The following CSMD2 variants were observed in gnomAD, a reference collection of about 807,000 sequenced individuals.
CSMD2 encodes the protein CUB and sushi domain-containing protein 2.
In CSMD2, 130 loss-of-function variants were observed where a neutral mutation model predicts 398.5. That is an observed-to-expected ratio of 0.33 (90% CI 0.28 to 0.38). The LOEUF (loss-of-function observed/expected upper bound fraction) is 0.38. CSMD2 is among the 10% of genes least tolerant of loss of function. The pLI, the probability that CSMD2 is intolerant of heterozygous loss-of-function variation, is 1.00. For missense variants in CSMD2, 3,829 were observed against 4,764.9 expected (o/e 0.80, Z 5.78); for synonymous variants, 1,828 against 1,908.5 (o/e 0.96, Z 1.10).
intron 64 of CSMD2, among the ~76,000 whole-genome samples, chr1:33,527,900 C>T (rs1052287684): frequency 1.3e-5 from 2 of 148,152 alleles, no homozygotes; most frequent in Non-Finnish European, 3.0e-5. Context: ...AAGATCATGC[C>T]ACTGCACTCC....
At chr1:33,652,601 G>A (rs879709922) in intron 27 of CSMD2, 140 bp from the exon 28 acceptor site, 131 of 862,834 alleles carry the variant, frequency 1.5e-4, no homozygotes, top group South Asian at 5.3e-4. Flanking sequence ...CTCAGGAGAA[G>A]GTGAAATGAT....
chr1:34,087,658 A>AGC (rs1470709701), intron 2 of CSMD2, among the ~76,000 whole-genome samples: 2 of 146,448 alleles, frequency 1.4e-5, no homozygotes, highest in Non-Finnish European at 3.0e-5. Context: ...AATAATAATA[A>AGC]AGCCAGCACT....
chr1:34,107,411 G>A (rs1385539577), intron 1 of CSMD2, among the ~76,000 whole-genome samples: 7 of 151,852 alleles, frequency 4.6e-5, no homozygotes, highest in Non-Finnish European at 8.8e-5. Context: ...ACTGTCCTAC[G>A]CACTGTACAT....
At chr1:33,756,799 A>C (rs1238741243) in intron 13 of CSMD2, among the ~76,000 whole-genome samples, 3 of 152,216 alleles carry the variant, frequency 2.0e-5, no homozygotes, top group Non-Finnish European at 4.4e-5. Flanking sequence ...CAGCCATCCC[A>C]TTACTGGGTA....
At chr1:33,689,506 G>T (rs1287212967) in intron 25 of CSMD2, among the ~76,000 whole-genome samples, 2 of 152,032 alleles carry the variant, frequency 1.3e-5, no homozygotes, top group African/African-American at 4.8e-5. Context: ...CTTCCTGAGG[G>T]CTAGAAAGGC....
chr1:33,555,686 C>T (rs2794605), intron 55 of CSMD2, among the ~76,000 whole-genome samples: 33,073 of 152,046 alleles, frequency 0.22, 3,968 homozygotes, highest in Admixed American at 0.35. Context: ...TCTCCACCAG[C>T]GAAGAGTATG....
At chr1:33,729,286 C>T (rs1646643413) in intron 15 of CSMD2, among the ~76,000 whole-genome samples, 1 of 152,154 alleles carries the variant, frequency 6.6e-6, no homozygotes. Context: ...CACCACTTTG[C>T]TTTCTTTCTC....
intron 70 of CSMD2, among the ~76,000 whole-genome samples, chr1:33,517,572 A>G (rs1653878573): frequency 6.6e-6 from 1 of 152,194 alleles, no homozygotes; most frequent in Non-Finnish European, 1.5e-5. Context: ...CCTTCTATTG[A>G]TAAGAGTTCT....
At chr1:33,831,625 A>G (rs1659573810) in intron 6 of CSMD2, among the ~76,000 whole-genome samples, 1 of 152,102 alleles carries the variant, frequency 6.6e-6, no homozygotes, top group Admixed American at 6.6e-5. Flanking sequence ...ATAACCAGCT[A>G]ACATCATCAT....
Position 34,164,447 on chromosome 1 carries a change from C to A in CSMD2, c.187+464G>T, listed in dbSNP as rs1641675919. On this transcript the variant is annotated intron_variant, in intron 1 of 70. Transcript: ENST00000373381. The surrounding 1 kb of genome is among the most constrained non-coding windows in gnomAD (Gnocchi z 6.2). ...CGGGGGCAGGGAAGGGCAGACCTTG[C>A]AGACGCAGAAATGGGGAGGGGGCGC... Among the ~76,000 whole-genome samples the A allele has an allele frequency of 6.6e-6, 1 of 152,030 alleles. No homozygotes were observed. The highest frequency in any genetic ancestry group is 2.1e-4 in the South Asian group (1 of 4,832).
In CSMD2 at chr1:33,925,701, T is replaced by G. The variant is rs60085399; in HGVS notation, c.713-7400A>C. ...CCATGGGCCTGATTACACCACTCTC[T>G]CTGTTGGAACCATCAATAACCCCCA... On this transcript the variant is annotated intron_variant, in intron 4 of 70. Transcript: ENST00000373381. 3.9e-3 allele frequency among the ~76,000 whole-genome samples: 596 copies of G among 152,206 alleles called. 10 individuals carry two copies. Among genetic ancestry groups the G allele is most frequent in the African/African-American group, 0.013 (549 of 41,530 alleles).
chr1:34,000,138 T>C (rs1160126948), intron 3 of CSMD2, among the ~76,000 whole-genome samples: 1 of 152,148 alleles, frequency 6.6e-6, no homozygotes, highest in Non-Finnish European at 1.5e-5. Flanking sequence ...GTTGACAGTC[T>C]ACACAGTAAT....
chr1:34,115,888 T>G (rs1661554493), intron 1 of CSMD2, among the ~76,000 whole-genome samples: 1 of 151,912 alleles, frequency 6.6e-6, no homozygotes, highest in Non-Finnish European at 1.5e-5. Context: ...CTAAGACATA[T>G]TATTATAATT....
chr1:33,626,534 T>G lies in CSMD2; in HGVS notation c.5248A>C (p.Ser1750Arg). 1 of 1,608,750 alleles carries G rather than the reference T, an allele frequency of 6.2e-7. No individual in the cohort carries two copies. Among genetic ancestry groups the G allele is most frequent in the South Asian group, 1.1e-5 (1 of 89,256 alleles). Reference protein sequence around the residue: ...ATSNQVLIKFSAKGLAPARGF... With the variant: ...ATSNQVLIKFRAKGLAPARGF... ...CTGGCTGGTGCGAGGCCTTTGGCGC[T>G]GAACTTAATGAGAACTTGATTGGAG... The change falls in exon 33 of 71, where the codon AGC becomes CGC. Residue 1750 changes from serine (S) to arginine (R), a missense_variant. Ser to Arg is a moderately radical substitution (Grantham distance 110). This residue lies in a region of CSMD2 where 2,001 missense variants were observed against 2,567.1 expected (regional missense o/e 0.78). Transcript: ENST00000373381.
intron 25 of CSMD2, among the ~76,000 whole-genome samples, chr1:33,677,062 T>C (rs1452145557): frequency 6.6e-6 from 1 of 152,148 alleles, no homozygotes. Flanking sequence ...AAGGACTTCA[T>C]CTCTAAAACA....
rs773545403 is a variant in CSMD2, at chr1:33,569,404, G to A, written c.8101C>T (p.Leu2701Phe). The change falls in exon 52 of 71, where the codon CTC becomes TTC. Residue 2701 changes from leucine (L) to phenylalanine (F), a missense_variant. By Grantham distance (22) the Leu-to-Phe change is conservative. This residue lies in a region of CSMD2 where 723 missense variants were observed against 758.6 expected (regional missense o/e 0.95). Coordinates refer to ENST00000373381, the MANE Select transcript of CSMD2 (RefSeq NM_001281956.2). ...SRVRECMANGLWSGSEVRCLA... is the reference protein window; with the variant it reads ...SRVRECMANGFWSGSEVRCLA... ...CAGCGGACTTCAGAGCCACTCCAGA[G>A]CCCATTGGCCATGCACTCACGCACC... 6.2e-7 allele frequency: 1 copy of A among 1,613,936 alleles called. No individual in the cohort carries two copies. The highest frequency in any genetic ancestry group is 8.5e-7 in the Non-Finnish European group (1 of 1,180,006).
chr1:33,918,413 C>G, intron 4 of CSMD2, 112 bp from the exon 5 acceptor site: 1 of 863,916 alleles, frequency 1.2e-6, no homozygotes, highest in Non-Finnish European at 1.8e-6. Flanking sequence ...GTACAATTCA[C>G]AGTTTGTGGA....
chr1:33,828,823 G>A (rs1659126613), intron 6 of CSMD2, among the ~76,000 whole-genome samples: 1 of 152,180 alleles, frequency 6.6e-6, no homozygotes. Context: ...ATGGATCTGT[G>A]CTTAATATTC....
At chr1:33,574,536 G>C (rs563562852) in intron 49 of CSMD2, among the ~76,000 whole-genome samples, 1 of 152,140 alleles carries the variant, frequency 6.6e-6, no homozygotes, top group Admixed American at 6.5e-5. Flanking sequence ...GAACTTTTTC[G>C]CTTAGAGCCA....
Sources: allele counts gnomAD v4.1 joint callset (sites outside exome capture counted in the v4.1 genomes callset), GRCh38; gene constraint gnomAD v4.1.1; regional missense constraint gnomAD v4.1.1; non-coding constraint Gnocchi (gnomAD v3.1); transcripts MANE v1.5; gene names NCBI Gene and HGNC (gene_info 2026-07-23, HGNC 2026-07-21).